INPP4B: variants seen among roughly 807,000 people sequenced by gnomAD.
The protein encoded by INPP4B is inositol polyphosphate-4-phosphatase type II B.
In INPP4B, 55 loss-of-function variants were observed where a neutral mutation model predicts 122.5. That is an observed-to-expected ratio of 0.45 (90% CI 0.36 to 0.56). The LOEUF (loss-of-function observed/expected upper bound fraction) is 0.56, where lower values mean the gene tolerates loss of function less well. Among genes scored for constraint, INPP4B ranks in the 20% least tolerant of loss-of-function variants. INPP4B has a pLI of 0.00. For synonymous variants in INPP4B, 403 were observed against 388.7 expected (o/e 1.04, Z -0.43); for missense variants, 1,000 against 1,097.7 (o/e 0.91, Z 1.26).
At chr4:142,576,978 C>T (rs757338390) in intron 2 of INPP4B, among the ~76,000 whole-genome samples, 3 of 151,888 alleles carry the variant, frequency 2.0e-5, no homozygotes, top group African/African-American at 4.8e-5. Flanking sequence ...TATGTATATA[C>T]GTTTATTATA....
At chr4:142,461,121 A>C (rs547230292) in intron 3 of INPP4B, among the ~76,000 whole-genome samples, 5 of 152,262 alleles carry the variant, frequency 3.3e-5, no homozygotes, top group Admixed American at 6.5e-5. Context: ...GCAGTGACCC[A>C]TGACTGCGCC....
chr4:142,564,398 C>A, intron 2 of INPP4B, among the ~76,000 whole-genome samples: 1 of 116,222 alleles, frequency 8.6e-6, no homozygotes, highest in Non-Finnish European at 1.7e-5. Flanking sequence ...CAGAGAGGTA[C>A]AGGAATTTAT....
intron 2 of INPP4B, among the ~76,000 whole-genome samples, chr4:142,555,870 CAAAAA>C (rs554216004): frequency 8.0e-6 from 1 of 125,618 alleles, no homozygotes; most frequent in Non-Finnish European, 1.6e-5. Context: ...GACTCTGTCT[CAAAAA>C]AAAAAAAAAA....
chr4:142,070,427 A>G (rs1217274021), intron 25 of INPP4B, among the ~76,000 whole-genome samples: 3 of 152,208 alleles, frequency 2.0e-5, no homozygotes, highest in African/African-American at 7.2e-5. Flanking sequence ...AAACTGGCAC[A>G]AGACAGGGAT....
At chr4:142,057,462 C>T (rs1219061063) in intron 25 of INPP4B, among the ~76,000 whole-genome samples, 1 of 151,524 alleles carries the variant, frequency 6.6e-6, no homozygotes, top group Admixed American at 6.6e-5. Context: ...AAGATAAATT[C>T]TAAGTAGGTA....
At chr4:142,050,742 ATCTT>A (rs1754098933) in intron 25 of INPP4B, among the ~76,000 whole-genome samples, 3 of 152,026 alleles carry the variant, frequency 2.0e-5, no homozygotes, top group East Asian at 1.9e-4. Context: ...CATGTACAGA[ATCTT>A]TCTTTAGCAT....
intron 9 of INPP4B, among the ~76,000 whole-genome samples, chr4:142,287,942 GC>G (rs995699482): frequency 6.6e-6 from 1 of 152,166 alleles, no homozygotes; most frequent in African/African-American, 2.4e-5. Flanking sequence ...TTCCTGGCTT[GC>G]CAGTGGCTGC....
intron 7 of INPP4B, among the ~76,000 whole-genome samples, chr4:142,371,508 T>C (rs1042883676): frequency 6.6e-6 from 1 of 151,936 alleles, no homozygotes; most frequent in African/African-American, 2.4e-5. Flanking sequence ...CGGAAGAAAA[T>C]ATTTGCAAAC....
intron 2 of INPP4B, among the ~76,000 whole-genome samples, chr4:142,593,830 A>G (rs962484224): frequency 2.0e-5 from 3 of 152,068 alleles, no homozygotes; most frequent in African/African-American, 4.8e-5. Context: ...TTCCTACTCC[A>G]TAGTTATTTA....
chr4:142,846,513 C>G (rs1279978844), upstream of INPP4B, among the ~76,000 whole-genome samples: 1 of 152,158 alleles, frequency 6.6e-6, no homozygotes, highest in Non-Finnish European at 1.5e-5. The surrounding 1 kb of genome is among the most constrained non-coding windows in gnomAD (Gnocchi z 5.1). Context: ...GAAGTTGTCA[C>G]CAGCGCGGCT....
chr4:142,516,090 A>G (rs1825382706), intron 2 of INPP4B, among the ~76,000 whole-genome samples: 1 of 152,214 alleles, frequency 6.6e-6, no homozygotes, highest in Non-Finnish European at 1.5e-5. Context: ...CAACTTTTCC[A>G]GAAAAGAAAT....
At chr4:142,636,427 GA>G (rs1259386659) in intron 2 of INPP4B, among the ~76,000 whole-genome samples, 5 of 152,006 alleles carry the variant, frequency 3.3e-5, no homozygotes, top group African/African-American at 1.2e-4. Flanking sequence ...TAAGTAAATA[GA>G]AGGAACTATT....
intron 7 of INPP4B, among the ~76,000 whole-genome samples, chr4:142,395,543 C>T (rs967271740): frequency 1.2e-4 from 19 of 152,158 alleles, no homozygotes; most frequent in African/African-American, 4.6e-4. Flanking sequence ...TAGGATACAA[C>T]AATCTCACTT....
intron 12 of INPP4B, among the ~76,000 whole-genome samples, chr4:142,230,636 T>A (rs1222477534): frequency 6.2e-5 from 4 of 64,872 alleles, no homozygotes; most frequent in African/African-American, 1.2e-4. Context: ...GTAGTAAAAC[T>A]CCACCTCAAA....
At chr4:142,367,521 GTC>G (rs987990316) in intron 7 of INPP4B, among the ~76,000 whole-genome samples, 151 of 152,152 alleles carry the variant, frequency 9.9e-4, no homozygotes, top group African/African-American at 3.1e-3. Flanking sequence ...TGCTATTCCT[GTC>G]TCCATTTCAC....
intron 17 of INPP4B, among the ~76,000 whole-genome samples, chr4:142,151,768 G>A (rs1006909037): frequency 6.6e-6 from 1 of 152,110 alleles, no homozygotes; most frequent in African/African-American, 2.4e-5. Flanking sequence ...TGTCTCATTA[G>A]TCTTCAAAAT....
chr4:142,036,745 T>G (rs1166840311), intron 25 of INPP4B, among the ~76,000 whole-genome samples: 3 of 152,216 alleles, frequency 2.0e-5, no homozygotes, highest in Non-Finnish European at 4.4e-5. Flanking sequence ...GAATAACATA[T>G]TAAAGATGTC....
intron 25 of INPP4B, chr4:142,029,963 T>G: frequency 7.3e-7 from 1 of 1,364,146 alleles, no homozygotes; most frequent in Non-Finnish European, 9.5e-7. Flanking sequence ...ATCCACCTAA[T>G]GCATAGTACT....
At chr4:142,374,686 C>T (rs1364122696) in intron 7 of INPP4B, among the ~76,000 whole-genome samples, 1 of 151,806 alleles carries the variant, frequency 6.6e-6, no homozygotes, top group Non-Finnish European at 1.5e-5. Context: ...CTTCATGCTT[C>T]TTAAGGAAGT....
Sources: gnomAD v4.1 joint callset for allele counts (sites outside exome capture counted in the v4.1 genomes callset) on GRCh38, gnomAD v4.1.1 for gene constraint, Gnocchi (gnomAD v3.1) non-coding constraint, MANE v1.5 for transcripts, NCBI Gene and HGNC (gene_info 2026-07-23, HGNC 2026-07-21) for gene names.